The following SRRM3 variants were observed in gnomAD, a reference collection of about 807,000 sequenced individuals.
SRRM3 encodes serine/arginine repetitive matrix 3, also known as serine/arginine repetitive matrix protein 3.
In SRRM3, 27 loss-of-function variants were observed where a neutral mutation model predicts 66.2. The observed-to-expected ratio is 0.41, with a 90% CI of 0.30 to 0.56. The LOEUF (loss-of-function observed/expected upper bound fraction) is 0.56, where lower values mean the gene tolerates loss of function less well. Ranked by LOEUF, SRRM3 falls within the 20% of genes least tolerant of loss-of-function variation. The pLI, the probability that SRRM3 is intolerant of heterozygous loss-of-function variation, is 0.32. For synonymous variants in SRRM3, 391 were observed against 414.9 expected (o/e 0.94, Z 0.70); for missense variants, 918 against 991.9 (o/e 0.93, Z 1.00).
chr7:76,209,412 A>G (rs1210739137), intron 1 of SRRM3, among the ~76,000 whole-genome samples: 8 of 152,112 alleles, frequency 5.3e-5, no homozygotes, highest in Non-Finnish European at 1.2e-4. Flanking sequence ...GCCTCAAAGA[A>G]TGACAGGGGA....
chr7:76,236,353 G>T (rs935584744), intron 2 of SRRM3, among the ~76,000 whole-genome samples: 1 of 151,292 alleles, frequency 6.6e-6, no homozygotes, highest in Non-Finnish European at 1.5e-5. Flanking sequence ...TAGTGGGCTG[G>T]CTGCTGAAGG....
chr7:76,268,685 T>C (rs1563636646), intron 11 of SRRM3: 1 of 152,254 alleles, frequency 6.6e-6, no homozygotes, highest in East Asian at 1.9e-4. Flanking sequence ...GAAGGACATT[T>C]ACCTGTCTCT....
chr7:76,232,034 A>G (rs1554604277), intron 1 of SRRM3, among the ~76,000 whole-genome samples: 3 of 152,176 alleles, frequency 2.0e-5, no homozygotes, highest in Non-Finnish European at 4.4e-5. Flanking sequence ...CATTCGACAG[A>G]ATGCAAAGGG....
intron 1 of SRRM3, among the ~76,000 whole-genome samples, chr7:76,208,381 C>T (rs563493388): frequency 2.2e-4 from 33 of 151,822 alleles, no homozygotes; most frequent in African/African-American, 8.0e-4. Context: ...TTGGAAAGCA[C>T]CCCGGAGCCA....
At chr7:76,259,791 C>T in intron 3 of SRRM3, 115 bp from the exon 4 acceptor site, 4 of 1,533,778 alleles carry the variant, frequency 2.6e-6, no homozygotes, top group Non-Finnish European at 3.5e-6. Flanking sequence ...TCGCCCCTCC[C>T]CCAGCCGGGT....
At chr7:76,238,335 TA>T (rs1425101208) in intron 2 of SRRM3, among the ~76,000 whole-genome samples, 2 of 152,146 alleles carry the variant, frequency 1.3e-5, no homozygotes, top group Admixed American at 1.3e-4. Context: ...ATCGAGTCAT[TA>T]ATATCCATTT....
intron 10 of SRRM3, among the ~76,000 whole-genome samples, chr7:76,266,406 TTA>T (rs542675360): frequency 0.012 from 1,308 of 112,794 alleles, 32 homozygotes; most frequent in African/African-American, 0.046. Context: ...ATATTTTAAT[TTA>T]TATATATTTA....
intron 1 of SRRM3, among the ~76,000 whole-genome samples, chr7:76,212,556 C>T (rs1800460699): frequency 6.6e-6 from 1 of 150,696 alleles, no homozygotes; most frequent in Admixed American, 6.6e-5. Flanking sequence ...GCAACCTCCG[C>T]CTCCCAGGTT....
Position 76,264,770 on chromosome 7 carries a change from G to C in SRRM3, c.680G>C (p.Arg227Pro), listed in dbSNP as rs781824319. The change falls in exon 9 of 15, where the codon CGA becomes CCA. Residue 227 changes from arginine (R) to proline (P), a missense_variant. Transcript: ENST00000611745. ...GTGGTCTCTGCTCTCTGCAGATCTCGAAGCTCCAAGTGCAAAAGAAAAGAG... is the reference window on the plus strand; with the variant it reads ...GTGGTCTCTGCTCTCTGCAGATCTCCAAGCTCCAAGTGCAAAAGAAAAGAG... ...GSRRKRRHRS[R>P]SSKCKRKEKN... 7 of 1,613,722 alleles carry C rather than the reference G, an allele frequency of 4.3e-6. No homozygotes were observed. Among genetic ancestry groups the C allele is most frequent in the Non-Finnish European group, 5.9e-6 (7 of 1,179,850 alleles).
intron 1 of SRRM3, among the ~76,000 whole-genome samples, chr7:76,214,520 C>T (rs1423450213): frequency 6.6e-6 from 1 of 152,050 alleles, no homozygotes; most frequent in Non-Finnish European, 1.5e-5. Context: ...TGACTGGTGC[C>T]GGGCAGGGGA....
At chr7:76,202,383 C>A (rs1448578428) in intron 1 of SRRM3, among the ~76,000 whole-genome samples, 1 of 152,154 alleles carries the variant, frequency 6.6e-6, no homozygotes, top group Non-Finnish European at 1.5e-5. Context: ...AGGAGAAGGA[C>A]CTGCTCCCCA....
rs145902395 is a variant in SRRM3, at chr7:76,229,120, G to A, written c.-39-5908G>A. On this transcript the variant is annotated intron_variant, in intron 1 of 14. Transcript: ENST00000611745. ...TCACCATGTTAGCCAGGATGGTCTC[G>A]ATCTCCTGACCTCGTGATCCACCTG... Among the ~76,000 whole-genome samples the A allele has an allele frequency of 1.3e-3, 204 of 151,912 alleles. 10 individuals carry two copies. In the South Asian group the frequency reaches 0.037, roughly 28 times the overall value.
intron 2 of SRRM3, among the ~76,000 whole-genome samples, chr7:76,243,444 C>T (rs567253356): frequency 1.3e-5 from 2 of 152,296 alleles, no homozygotes; most frequent in Non-Finnish European, 2.9e-5. Context: ...CAGAGGGACC[C>T]TCCCCAAGCC....
In SRRM3 at chr7:76,215,527, G is replaced by A. The variant is rs79664002; in HGVS notation, c.-40+13460G>A. 2.7e-4 allele frequency among the ~76,000 whole-genome samples: 40 copies of A among 148,372 alleles called. No individual in the cohort carries two copies. The East Asian group carries it at 6.4e-3, about 24-fold the overall frequency. ...AATGATCCTCCCACCTCAGCCTCCC[G>A]AGTAGCTGGGACTACAGGCGTGCAC... On this transcript the variant is annotated intron_variant, in intron 1 of 14. Coordinates refer to ENST00000611745, the MANE Select transcript of SRRM3 (RefSeq NM_001110199.3).
chr7:76,234,233 C>T (rs996621694), intron 1 of SRRM3, among the ~76,000 whole-genome samples: 7 of 137,894 alleles, frequency 5.1e-5, no homozygotes, highest in African/African-American at 2.3e-4. Flanking sequence ...GTCTGCTCTA[C>T]TTTGGAGGGC....
At chr7:76,203,360 A>C (rs1800208076) in intron 1 of SRRM3, among the ~76,000 whole-genome samples, 1 of 152,234 alleles carries the variant, frequency 6.6e-6, no homozygotes, top group Non-Finnish European at 1.5e-5. Context: ...ATGTGACCTC[A>C]GGTAAGCCAT....
intron 11 of SRRM3, among the ~76,000 whole-genome samples, chr7:76,272,560 G>T (rs1011105252): frequency 4.6e-5 from 7 of 152,040 alleles, no homozygotes; most frequent in African/African-American, 1.7e-4. Context: ...GCTGAGTCAG[G>T]AGAATCACTT....
At chr7:76,253,480 G>A (rs1461455233) in intron 3 of SRRM3, among the ~76,000 whole-genome samples, 2 of 151,834 alleles carry the variant, frequency 1.3e-5, no homozygotes, top group African/African-American at 4.8e-5. Flanking sequence ...AATTAGCTGG[G>A]CGTGGTGGTG....
Position 76,259,928 on chromosome 7 carries a change from A to C in SRRM3, c.358A>C (p.Thr120Pro). 1.9e-6 allele frequency: 3 copies of C among 1,601,860 alleles called. No individual in the cohort carries two copies. Among genetic ancestry groups the C allele is most frequent in the Non-Finnish European group, 2.5e-6 (3 of 1,179,530 alleles). The change falls in exon 4 of 15, where the codon ACC becomes CCC. Residue 120 changes from threonine (T) to proline (P), a missense_variant. Coordinates refer to ENST00000611745, the MANE Select transcript of SRRM3 (RefSeq NM_001110199.3). ...GHIVAETPRL[T>P]EGAEPGLEYA... ...CAGTGTGGCGGAGACCCCGCGGCTG[A>C]CCGAGGGCGCTGAGCCGGGCCTGGA...
Sources: allele counts gnomAD v4.1 joint callset (sites outside exome capture counted in the v4.1 genomes callset), GRCh38; gene constraint gnomAD v4.1.1; transcripts MANE v1.5; gene names NCBI Gene and HGNC (gene_info 2026-07-23, HGNC 2026-07-21).